The following COPA variants were observed in gnomAD, a reference collection of about 807,000 sequenced individuals.
COPA encodes the protein coat protein complex I subunit alpha.
COPA carries 10 observed loss-of-function variants against 158.7 expected under a neutral mutation model. The observed-to-expected ratio is 0.06, with a 90% confidence interval of 0.04 to 0.11. The LOEUF (loss-of-function observed/expected upper bound fraction) is 0.11. COPA is among the 10% of genes least tolerant of loss of function. The pLI, the probability that COPA is intolerant of heterozygous loss-of-function variation, is 1.00. For synonymous variants in COPA, 462 were observed against 542.8 expected (o/e 0.85, Z 2.07); for missense variants, 1,065 against 1,536.7 (o/e 0.69, Z 5.13).
At position 160,290,471 on chromosome 1, in the gene COPA, TTTA is replaced by T; in HGVS notation, c.3615+18_3615+20del. On this transcript the variant is annotated intron_variant, in intron 32 of 32. Transcript: ENST00000241704. Reference sequence around the variant, plus strand: ...CCCTTCGCTCAATATCCTAGATATATTTATTGAGGACAGTACTTACTGTGGTGA... The same window carrying T: ...CCCTTCGCTCAATATCCTAGATATATTTGAGGACAGTACTTACTGTGGTGA... 1 of 1,607,888 alleles carries T rather than the reference TTTA, an allele frequency of 6.2e-7. No homozygotes were observed. Among genetic ancestry groups the T allele is most frequent in the South Asian group, 1.1e-5 (1 of 90,744 alleles).
Position 160,314,131 on chromosome 1 carries a change from G to T in COPA, c.707-6C>A. On this transcript the variant is annotated splice_polypyrimidine_tract_variant and splice_region_variant and intron_variant, in intron 8 of 32. Transcript: ENST00000241704. ...AACCTCCCATGCCTTTGATTCTGAA[G>T]GACAAAAAGAATTAGGTCATCACAA... 1.2e-6 allele frequency: 2 copies of T among 1,608,730 alleles called. No homozygotes were observed. Among genetic ancestry groups the T allele is most frequent in the Non-Finnish European group, 8.5e-7 (1 of 1,178,006 alleles).
At chr1:160,320,911 A>G (rs1659314748) in intron 8 of COPA, among the ~76,000 whole-genome samples, 1 of 151,972 alleles carries the variant, frequency 6.6e-6, no homozygotes, top group Admixed American at 6.6e-5. Context: ...AGAAAACTAC[A>G]GGCCGATATC....
At chr1:160,333,757 A>T in intron 4 of COPA, 78 bp from the exon 5 acceptor site, 2 of 1,174,636 alleles carry the variant, frequency 1.7e-6, no homozygotes, top group South Asian at 2.7e-5. Flanking sequence ...TTTTTCTCTA[A>T]AGAACTGCAT....
intron 23 of COPA, 24 bp from the exon 24 acceptor site, chr1:160,294,881 G>T: frequency 6.2e-7 from 1 of 1,606,616 alleles, no homozygotes; most frequent in South Asian, 1.1e-5. Context: ...GAACAGAACG[G>T]AACTGGTTAT....
intron 10 of COPA, 79 bp downstream of exon 10, chr1:160,313,006 A>T: frequency 7.8e-7 from 1 of 1,285,924 alleles, no homozygotes; most frequent in Non-Finnish European, 1.1e-6. Flanking sequence ...TACATTTACT[A>T]GAGACAAAGC....
chr1:160,290,282 T>C, intron 32 of COPA, 66 bp from the exon 33 acceptor site: 2 of 1,571,474 alleles, frequency 1.3e-6, no homozygotes, highest in Non-Finnish European at 1.7e-6. Flanking sequence ...GAAAATGTAT[T>C]CCCTATACCC....
At chr1:160,296,172 G>T (rs1394338017) in intron 21 of COPA, 23 bp from the exon 22 acceptor site, 1 of 1,604,368 alleles carries the variant, frequency 6.2e-7, no homozygotes, top group East Asian at 2.2e-5. Flanking sequence ...CAGACTTTGT[G>T]GTATAGGTAC....
At chr1:160,310,540 A>T (rs1162446262) in intron 11 of COPA, 1 of 217,214 alleles carries the variant, frequency 4.6e-6, no homozygotes, top group Non-Finnish European at 9.0e-6. Context: ...AGTGAGTGGG[A>T]CTGGTTCTGC....
rs1658147463 is a variant in COPA at position 160,289,482 on chromosome 1, GTATT to G, written c.*671_*674del. On this transcript the variant is annotated 3_prime_UTR_variant, in exon 33 of 33. Transcript: ENST00000241704. ...TGGTGTGGCCTAGTCACACCAAAAT[GTATT>G]TATTACATCCTGCTCCTTTCTAGTT... is the stretch of plus-strand genomic sequence containing the variant. 1.3e-5 allele frequency: 2 copies of G among 152,082 alleles called. No individual in the cohort carries two copies. The highest frequency in any genetic ancestry group is 2.9e-5 in the Non-Finnish European group (2 of 68,014). The allele number at this position is 152,082 out of a possible 1,614,324, so 9.4% of individuals were successfully genotyped here.
At chr1:160,317,715 T>C in intron 8 of COPA, 3 of 1,414,262 alleles carry the variant, frequency 2.1e-6, no homozygotes, top group Non-Finnish European at 3.0e-6. Flanking sequence ...AGATATTCTT[T>C]TTATTTTTTT....
chr1:160,300,344 A>AAAATAAATAAATAAAT (rs36034271), intron 17 of COPA, among the ~76,000 whole-genome samples: 9 of 138,900 alleles, frequency 6.5e-5, no homozygotes, highest in African/African-American at 1.6e-4. Context: ...ACTCCGACTC[A>AAAATAAATAAATAAAT]AAATAAATAA....
chr1:160,292,439 G>T, intron 28 of COPA, 45 bp downstream of exon 28: 1 of 1,610,136 alleles, frequency 6.2e-7, no homozygotes, highest in South Asian at 1.1e-5. Context: ...CTGAAATATC[G>T]ACCACAACTT....
chr1:160,309,847 C>T (rs763476121), intron 12 of COPA, among the ~76,000 whole-genome samples: 7 of 149,326 alleles, frequency 4.7e-5, no homozygotes, highest in Non-Finnish European at 1.0e-4. Context: ...AATAATAGTT[C>T]TTCTATTTTC....
chr1:160,316,005 A>G (rs1047289925), intron 8 of COPA, among the ~76,000 whole-genome samples: 3 of 152,256 alleles, frequency 2.0e-5, no homozygotes, highest in Admixed American at 2.0e-4. Context: ...GAGACTCTGA[A>G]TAGCAGACTG....
intron 6 of COPA, among the ~76,000 whole-genome samples, chr1:160,328,393 T>G (rs1202757141): frequency 6.6e-6 from 1 of 152,132 alleles, no homozygotes; most frequent in East Asian, 1.9e-4. Context: ...AACAGACAGA[T>G]GAATGGTGAC....
At chr1:160,317,483 G>T in intron 8 of COPA, 1 of 1,609,568 alleles carries the variant, frequency 6.2e-7, no homozygotes, top group Non-Finnish European at 8.5e-7. Context: ...AAAGTCATTG[G>T]ACAGGATAGC....
intron 8 of COPA, among the ~76,000 whole-genome samples, chr1:160,318,468 T>TAAAAAAAA (rs71090307): frequency 1.9e-3 from 29 of 15,580 alleles, no homozygotes; most frequent in South Asian, 2.5e-3. Flanking sequence ...ACAATATTTG[T>TAAAAAAAA]AAAAAAAAAA....
intron 17 of COPA, among the ~76,000 whole-genome samples, chr1:160,304,775 A>G (rs759331072): frequency 1.3e-5 from 2 of 152,254 alleles, no homozygotes; most frequent in Non-Finnish European, 2.9e-5. Context: ...TGTACCCCAG[A>G]AAACAGGTAA....
At chr1:160,339,403 C>G (rs1309030184) in intron 3 of COPA, 1 of 152,460 alleles carries the variant, frequency 6.6e-6, no homozygotes, top group East Asian at 1.9e-4. Flanking sequence ...TCCTAGTTAT[C>G]TGCATGATAA....
Sources: gnomAD v4.1 joint callset for allele counts (sites outside exome capture counted in the v4.1 genomes callset) on GRCh38, gnomAD v4.1.1 for gene constraint, MANE v1.5 for transcripts, NCBI Gene and HGNC (gene_info 2026-07-23, HGNC 2026-07-21) for gene names.